Variants in EPG5 observed in about 807,000 individuals in gnomAD.
EPG5 encodes ectopic P-granules 5 autophagy tethering factor.
In EPG5, 159 loss-of-function variants were observed where a neutral mutation model predicts 302.7. The ratio of observed to expected loss-of-function variants is 0.53; its 90% CI spans 0.46 to 0.60. The LOEUF is 0.60. EPG5 is among the 20% of genes least tolerant of loss of function. The pLI is 0.00. For synonymous variants in EPG5, 1,158 were observed against 1,136.8 expected, an observed-to-expected ratio of 1.02 and a Z score of -0.37; for missense variants, 2,896 against 3,092.4, an observed-to-expected ratio of 0.94 and a Z score of 1.51.
the EPG5 span, among the ~76,000 whole-genome samples, chr18:45,834,193 T>C: frequency 1.3e-5 from 2 of 152,136 alleles, no homozygotes; most frequent in African/African-American, 4.8e-5. Context: ...GCCTGCCTAA[T>C]ACACCCCTAC....
intron 39 of EPG5, among the ~76,000 whole-genome samples, chr18:45,863,056 C>T (rs2048669763): frequency 6.6e-6 from 1 of 152,076 alleles, no homozygotes; most frequent in African/African-American, 2.4e-5. Flanking sequence ...CAGAGATGAA[C>T]ATCTGGCTTT....
At position 45,880,079 on chromosome 18, in the gene EPG5, T is replaced by C. The variant is rs2049058745; in HGVS notation, c.5663A>G (p.Lys1888Arg). ...CAGAGACCAAAGGCTACACACCTGC[T>C]TGTCTGACAAGAGAGCATCAGAAGA... Reference protein sequence around the residue: ...PSSSDALLSDKQVMETIQWLS... With the variant: ...PSSSDALLSDRQVMETIQWLS... Residue 1888 changes from lysine to arginine, a missense_variant, in exon 32 of 44, where the codon AAG (lysine) becomes AGG (arginine). By Grantham distance (26) the Lys-to-Arg change is conservative (BLOSUM62 2). Around this residue, in one of 5 missense-constraint regions of EPG5, gnomAD observed 790 missense variants for 798.0 expected, o/e 0.99. Transcript: ENST00000282041. 1 of 1,581,522 alleles carries C rather than the reference T, an allele frequency of 6.3e-7. No homozygotes were observed. The highest frequency in any genetic ancestry group is 2.3e-5 in the East Asian group (1 of 44,184).
chr18:45,946,160 C>A lies in EPG5; in HGVS notation c.1677+503G>T, dbSNP rs1179573974. 3.3e-5 allele frequency among the ~76,000 whole-genome samples: 5 copies of A among 152,240 alleles called. No individual in the cohort carries two copies. In the East Asian group the frequency reaches 5.8e-4, roughly 18 times the overall value. ...CTGGATTTTGATCATTAAATTCTCACCAAAAATGGAAAACCATCTTCTACC... is the reference window on the plus strand; with the variant it reads ...CTGGATTTTGATCATTAAATTCTCAACAAAAATGGAAAACCATCTTCTACC... On this transcript the variant is annotated intron_variant, in intron 7 of 43. Coordinates refer to ENST00000282041, the MANE Select transcript of EPG5 (RefSeq NM_020964.3).
rs2048416630 is a variant in EPG5 at position 45,851,008 on chromosome 18, G to C, written c.*1459C>G. On this transcript the variant is annotated 3_prime_UTR_variant, in exon 44 of 44. Coordinates refer to ENST00000282041, the MANE Select transcript of EPG5 (RefSeq NM_020964.3). The stretch of plus-strand genomic sequence containing the variant: ...CTAAACAGGGATGTTCTTTATCAGA[G>C]CTGCAAAGCGTGTCTTTAAGGCAGA... 1 of 152,236 alleles carries C rather than the reference G, an allele frequency of 6.6e-6. No homozygotes were observed. Among genetic ancestry groups the C allele is most frequent in the Non-Finnish European group, 1.5e-5 (1 of 68,028 alleles). The allele number at this position is 152,236 out of a possible 1,614,324, so 9.4% of individuals were successfully genotyped here.
chr18:45,878,027 C>A (rs1298183896), intron 34 of EPG5, among the ~76,000 whole-genome samples: 1 of 152,150 alleles, frequency 6.6e-6, no homozygotes, highest in Non-Finnish European at 1.5e-5. Flanking sequence ...AGTTCCAAAA[C>A]ACAACTGATG....
At chr18:45,837,276 C>T in the EPG5 span, among the ~76,000 whole-genome samples, 2 of 152,314 alleles carry the variant, frequency 1.3e-5, no homozygotes, top group African/African-American at 2.4e-5. Context: ...GCCGCGGGAA[C>T]GCAGGCACTC....
chr18:45,818,869 G>T, the EPG5 span, among the ~76,000 whole-genome samples: 29 of 150,286 alleles, frequency 1.9e-4, no homozygotes, highest in South Asian at 6.1e-3. Flanking sequence ...GAATAATTTG[G>T]GTTACAGGCA....
chr18:45,839,075 G>C, the EPG5 span: 1 of 1,441,248 alleles, frequency 6.9e-7, no homozygotes, highest in Non-Finnish European at 9.0e-7. Context: ...CTGGCCGCCC[G>C]CGCTGCCCGC....
rs2143721187 is a variant in EPG5, at chr18:45,951,083, TC to T, written c.1389+18del. On this transcript the variant is annotated intron_variant, in intron 4 of 43. Transcript: ENST00000282041. ...AAGAAATAAAACAAAGACTACTGTG[TC>T]TATCTCTGTCCCCTTACCAATTTCT... 1 of 1,536,158 alleles carries T rather than the reference TC, an allele frequency of 6.5e-7. No homozygotes were observed. Among genetic ancestry groups the T allele is most frequent in the African/African-American group, 1.4e-5 (1 of 72,424 alleles).
At chr18:45,818,021 C>T in the EPG5 span, among the ~76,000 whole-genome samples, 3 of 152,168 alleles carry the variant, frequency 2.0e-5, no homozygotes, top group African/African-American at 7.2e-5. Flanking sequence ...GCCCCTTTTT[C>T]TGTTAACATA....
At chr18:45,951,287 G>C (rs2050903991) in intron 3 of EPG5, 49 bp from the exon 4 acceptor site, 1 of 1,338,156 alleles carries the variant, frequency 7.5e-7, no homozygotes, top group East Asian at 2.7e-5. Context: ...GTGTTTTTGG[G>C]GGAATTTTTA....
intron 19 of EPG5, 116 bp downstream of exon 19, chr18:45,915,893 T>C (rs1338772738): frequency 2.0e-6 from 2 of 979,730 alleles, no homozygotes; most frequent in Non-Finnish European, 3.0e-6. Context: ...AAGGCAAAGC[T>C]TAAAGAAGGT....
chr18:45,826,264 C>A, the EPG5 span, among the ~76,000 whole-genome samples: 4 of 152,108 alleles, frequency 2.6e-5, no homozygotes, highest in Non-Finnish European at 4.4e-5. Flanking sequence ...GAGGCCCTCC[C>A]AGCAGGAATC....
At chr18:45,943,055 T>C (rs2050705128) in intron 9 of EPG5, 106 bp downstream of exon 9, 2 of 1,103,102 alleles carry the variant, frequency 1.8e-6, no homozygotes, top group Non-Finnish European at 2.5e-6. Context: ...TTACGAGAAA[T>C]AAGACCTGAG....
chr18:45,860,763 G>A (rs575496442), intron 39 of EPG5, among the ~76,000 whole-genome samples: 14 of 152,132 alleles, frequency 9.2e-5, no homozygotes, highest in East Asian at 1.9e-4. Context: ...CACTGCCACC[G>A]CTGTCAATAT....
chr18:45,921,318 T>C (rs2050150291), intron 16 of EPG5, among the ~76,000 whole-genome samples: 1 of 152,162 alleles, frequency 6.6e-6, no homozygotes. Context: ...AGTGTTACAG[T>C]GAGTCTAAAA....
rs2050009632 is a variant in EPG5 at position 45,915,522 on chromosome 18, T to C, written c.3682A>G (p.Thr1228Ala). 2.5e-6 allele frequency: 4 copies of C among 1,613,270 alleles called. No homozygotes were observed. Among genetic ancestry groups the C allele is most frequent in the Non-Finnish European group, 3.4e-6 (4 of 1,179,338 alleles). The change falls in exon 20 of 44, where the codon ACG becomes GCG. Residue 1228 changes from threonine to alanine, a missense_variant. This residue lies in a region of EPG5 where 64 missense variants were observed against 101.8 expected (regional missense o/e 0.63). Transcript: ENST00000282041. ...AGTGAGTTTCCTACCTGAGTGGGCGTGGCCAAGCCCTCCACAAAGGAAGGA... is the reference window on the plus strand; with the variant it reads ...AGTGAGTTTCCTACCTGAGTGGGCGCGGCCAAGCCCTCCACAAAGGAAGGA... The part of the protein sequence containing the change: ...ITPSFVEGLA[T>A]PTQVWFAWTV...
chr18:45,887,675 G>A, intron 29 of EPG5, 76 bp downstream of exon 29: 1 of 1,267,786 alleles, frequency 7.9e-7, no homozygotes, highest in South Asian at 2.4e-5. Context: ...TGAAGTCAAT[G>A]CTGACTATAT....
chr18:45,911,108 C>CATAT (rs1397587397), intron 22 of EPG5, among the ~76,000 whole-genome samples: 1,453 of 121,584 alleles, frequency 0.012, 8 homozygotes, highest in Non-Finnish European at 0.015. Context: ...CACACACACA[C>CATAT]ACATATATAT....
Sources: allele counts gnomAD v4.1 joint callset (sites outside exome capture counted in the v4.1 genomes callset), GRCh38; gene constraint gnomAD v4.1.1; regional missense constraint gnomAD v4.1.1; transcripts MANE v1.5; gene names NCBI Gene and HGNC (gene_info 2026-07-23, HGNC 2026-07-21).